The following EYS variants were observed in gnomAD, a reference collection of about 807,000 sequenced individuals.
EYS encodes the protein protein eyes shut homolog.
In EYS, 250 loss-of-function variants were observed where a neutral mutation model predicts 282.1. The ratio of observed to expected loss-of-function variants is 0.89; its 90% CI spans 0.80 to 0.98. The LOEUF (loss-of-function observed/expected upper bound fraction) is 0.98. Ranked by LOEUF, EYS falls within the 50% of genes least tolerant of loss-of-function variation. The pLI is 0.00. For missense variants in EYS, 4,016 were observed against 3,709.0 expected (o/e 1.08, Z -2.15); for synonymous variants, 1,355 against 1,282.9 (o/e 1.06, Z -1.20).
At chr6:64,942,204 TTAA>T (rs1331045959) in intron 15 of EYS, among the ~76,000 whole-genome samples, 11 of 151,034 alleles carry the variant, frequency 7.3e-5, no homozygotes, top group African/African-American at 2.7e-4. Flanking sequence ...ATTTCTCTGA[TTAA>T]TGATGTTGAG....
At chr6:64,801,694 T>TTATATATAACAAAGAATGATATATATA (rs1764235258) in intron 22 of EYS, among the ~76,000 whole-genome samples, 1 of 152,138 alleles carries the variant, frequency 6.6e-6, no homozygotes, top group Admixed American at 6.6e-5. Context: ...TGTGTCAGAA[T>TTATATATAACAAAGAATGATATATATA]TATATCAAAG....
rs1480930464 is a variant in EYS at position 65,231,169 on chromosome 6, A to ACTTTTATATATATAC, written c.2023+64693_2023+64694insGTATATATATAAAAG. On this transcript the variant is annotated intron_variant, in intron 12 of 42. Coordinates refer to ENST00000503581, the MANE Select transcript of EYS (RefSeq NM_001142800.2). ...TTTATATATATACTTTTATATATAT[A>ACTTTTATATATATAC]TTTTATATATATATAAAGAAAATAT... 1.5e-3 allele frequency among the ~76,000 whole-genome samples: 38 copies of ACTTTTATATATATAC among 26,150 alleles called. 1 individual carries two copies. In the East Asian group the frequency reaches 0.03, roughly 21 times the overall value. The allele number at this position is 26,150 out of a possible 152,430, so 17.2% of individuals were successfully genotyped here. A position where few individuals can be genotyped will look rare whatever the true frequency, so the allele number is the denominator to read the frequency against.
In EYS at chr6:64,141,275, G is replaced by T. The variant is rs181047189; in HGVS notation, c.6425-59273C>A. On this transcript the variant is annotated intron_variant, in intron 31 of 42. Transcript: ENST00000503581. ...TAAAAATATTTTAGACAATGATGTT[G>T]GTTGGCATGGCTATGTTGAATTGCT... is the stretch of plus-strand genomic sequence containing the variant. Among the ~76,000 whole-genome samples, 431 of 152,258 alleles carry T rather than the reference G, an allele frequency of 2.8e-3. 2 individuals carry two copies. The highest frequency in any genetic ancestry group is 3.4e-3 in the Middle Eastern group (1 of 294).
chr6:65,074,253 T>G (rs188796155), intron 12 of EYS, among the ~76,000 whole-genome samples: 63 of 152,122 alleles, frequency 4.1e-4, no homozygotes, highest in African/African-American at 1.5e-3. Context: ...TCTGTAATTA[T>G]TCCTTTCTTC....
At chr6:64,846,183 A>G (rs1256259915) in intron 19 of EYS, among the ~76,000 whole-genome samples, 2 of 152,186 alleles carry the variant, frequency 1.3e-5, no homozygotes, top group African/African-American at 4.8e-5. Context: ...TGTCCTACCA[A>G]TAATGGGCTT....
At chr6:64,948,314 T>C (rs1001837249) in intron 14 of EYS, among the ~76,000 whole-genome samples, 4 of 151,222 alleles carry the variant, frequency 2.6e-5, no homozygotes, top group African/African-American at 7.3e-5. Context: ...TTTTCCTCAA[T>C]TTAGACATTC....
At chr6:63,764,594 G>A (rs1305359098) in intron 40 of EYS, among the ~76,000 whole-genome samples, 2 of 151,794 alleles carry the variant, frequency 1.3e-5, no homozygotes, top group Admixed American at 1.3e-4. Flanking sequence ...CTTATAGACA[G>A]AGCTCACAAT....
rs550982817 is a variant in EYS, at chr6:64,223,573, A to G, written c.6424+7019T>C. Among the ~76,000 whole-genome samples the G allele has an allele frequency of 2.6e-5, 4 of 152,146 alleles. No individual in the cohort carries two copies. The South Asian group carries it at 8.3e-4, about 32-fold the overall frequency. The stretch of plus-strand genomic sequence containing the variant: ...TATGGACCTTGTATTCTAGTTCTAC[A>G]CTTGTCTTTAACTAGTAGTTTACTT... On this transcript the variant is annotated intron_variant, in intron 31 of 42. Coordinates refer to ENST00000503581, the MANE Select transcript of EYS (RefSeq NM_001142800.2).
intron 1 of EYS, among the ~76,000 whole-genome samples, chr6:65,649,111 C>G (rs1767560402): frequency 7.7e-6 from 1 of 129,384 alleles, no homozygotes; most frequent in African/African-American, 2.8e-5. Context: ...GCACTCCAGC[C>G]TGTGCGACAG....
intron 28 of EYS, among the ~76,000 whole-genome samples, chr6:64,407,997 G>T (rs796731968): frequency 4.6e-5 from 7 of 152,156 alleles, no homozygotes; most frequent in African/African-American, 1.4e-4. Context: ...CAAGTGCTGG[G>T]ATTACACGCA....
intron 14 of EYS, among the ~76,000 whole-genome samples, chr6:64,964,887 G>A (rs575326971): frequency 2.6e-4 from 40 of 151,986 alleles, no homozygotes; most frequent in African/African-American, 9.4e-4. Context: ...ACAAAAGTTA[G>A]CCAGGTGTGG....
chr6:64,445,396 T>G (rs889027829), intron 26 of EYS, among the ~76,000 whole-genome samples: 1 of 152,204 alleles, frequency 6.6e-6, no homozygotes. Context: ...ACTTCTGCAC[T>G]TAAGTTTTTA....
chr6:63,921,799 A>C (rs894196895), intron 35 of EYS, among the ~76,000 whole-genome samples: 2 of 152,232 alleles, frequency 1.3e-5, no homozygotes, highest in African/African-American at 4.8e-5. Context: ...ATAGAATGGA[A>C]AGTGTTGAGA....
intron 28 of EYS, among the ~76,000 whole-genome samples, chr6:64,408,730 A>C (rs113262824): frequency 0.01 from 1,577 of 152,304 alleles, 29 homozygotes; most frequent in African/African-American, 0.036. Context: ...AAACTCTGAA[A>C]TTATACCATA....
chr6:65,310,819 C>T (rs1000099941), intron 11 of EYS, among the ~76,000 whole-genome samples: 37 of 152,142 alleles, frequency 2.4e-4, no homozygotes, highest in Admixed American at 2.4e-3. Flanking sequence ...TGGGTTTTCA[C>T]CATCCTAGCT....
intron 13 of EYS, among the ~76,000 whole-genome samples, chr6:65,030,912 C>T (rs1424600231): frequency 6.6e-6 from 1 of 151,950 alleles, no homozygotes; most frequent in Non-Finnish European, 1.5e-5. Context: ...GACCCATATT[C>T]CATGCAATGA....
chr6:65,274,936 C>G (rs971714761), intron 12 of EYS, among the ~76,000 whole-genome samples: 29 of 137,252 alleles, frequency 2.1e-4, no homozygotes, highest in African/African-American at 4.7e-4. Context: ...GAGAGAGAGA[C>G]AATACCTAGT....
At chr6:65,418,484 A>G (rs192417720) in intron 5 of EYS, among the ~76,000 whole-genome samples, 103 of 152,238 alleles carry the variant, frequency 6.8e-4, no homozygotes, top group Non-Finnish European at 1.8e-4. Flanking sequence ...ATGCCCATCA[A>G]TGATAGGCTG....
At chr6:64,665,541 G>A (rs1055463598) in intron 22 of EYS, among the ~76,000 whole-genome samples, 4 of 152,092 alleles carry the variant, frequency 2.6e-5, no homozygotes, top group Admixed American at 6.6e-5. Context: ...CAAAATTATC[G>A]TTATGCTAAA....
Sources: gnomAD v4.1 joint callset for allele counts (sites outside exome capture counted in the v4.1 genomes callset) on GRCh38, gnomAD v4.1.1 for gene constraint, MANE v1.5 for transcripts, NCBI Gene and HGNC (gene_info 2026-07-23, HGNC 2026-07-21) for gene names.